Variants in DPY19L4 observed in about 807,000 individuals in gnomAD.
DPY19L4 encodes probable C-mannosyltransferase DPY19L4.
DPY19L4 carries 97 observed loss-of-function variants against 102.8 expected under a neutral mutation model. The ratio of observed to expected loss-of-function variants is 0.94; its 90% CI spans 0.80 to 1.12. The LOEUF is 1.12. Ranked by LOEUF, DPY19L4 falls within the 50% of genes most tolerant of loss-of-function variation. The pLI is 0.00. For synonymous variants in DPY19L4, 252 were observed against 283.1 expected (o/e 0.89, Z 1.10); for missense variants, 815 against 850.4 (o/e 0.96, Z 0.52).
Position 94,790,029 on chromosome 8 carries a change from C to G in DPY19L4, c.*119C>G. 4.1e-6 allele frequency: 4 copies of G among 979,342 alleles called. No individual in the cohort carries two copies. The highest frequency in any genetic ancestry group is 1.7e-5 in the African/African-American group (1 of 59,706). The allele number at this position is 979,342 out of a possible 1,614,324, so 60.7% of individuals were successfully genotyped here. On this transcript the variant is annotated 3_prime_UTR_variant, in exon 19 of 19. Transcript: ENST00000414645. Reference sequence around the variant, plus strand: ...TTTGAAATATTGCTGCTTCTTTCCCCCTTCTGCTGTTAACTGGATCCAGAG... The same window carrying G: ...TTTGAAATATTGCTGCTTCTTTCCCGCTTCTGCTGTTAACTGGATCCAGAG...
intron 2 of DPY19L4, among the ~76,000 whole-genome samples, chr8:94,730,542 T>C (rs1810900066): frequency 6.6e-6 from 1 of 151,084 alleles, no homozygotes; most frequent in Non-Finnish European, 1.5e-5. Context: ...GGTCGGGAGT[T>C]TGAGACCAGC....
intron 2 of DPY19L4, among the ~76,000 whole-genome samples, chr8:94,726,768 C>T (rs1218958979): frequency 6.6e-6 from 1 of 152,188 alleles, no homozygotes; most frequent in Admixed American, 6.5e-5. Context: ...ACCTGGCACA[C>T]TATCACTTGT....
At chr8:94,723,225 C>T (rs531891466) in intron 1 of DPY19L4, among the ~76,000 whole-genome samples, 1 of 152,308 alleles carries the variant, frequency 6.6e-6, no homozygotes, top group South Asian at 2.1e-4. Flanking sequence ...GTAATCCCAG[C>T]ACTTTGGGAG....
intron 8 of DPY19L4, among the ~76,000 whole-genome samples, chr8:94,762,284 G>A (rs1487574417): frequency 4.3e-5 from 5 of 116,212 alleles, no homozygotes; most frequent in African/African-American, 2.0e-4. Flanking sequence ...GATGAAGCTG[G>A]TTCTTGAAGT....
intron 3 of DPY19L4, among the ~76,000 whole-genome samples, chr8:94,735,271 A>G (rs867949797): frequency 2.0e-5 from 3 of 152,294 alleles, no homozygotes; most frequent in East Asian, 1.9e-4. Flanking sequence ...TGACTTTTGA[A>G]TAAGTTTGTT....
At chr8:94,782,655 T>C (rs1290400850) in intron 16 of DPY19L4, among the ~76,000 whole-genome samples, 1 of 151,858 alleles carries the variant, frequency 6.6e-6, no homozygotes, top group African/African-American at 2.4e-5. Context: ...CAAAAAGTGT[T>C]TCTAGAAATT....
At chr8:94,764,689 G>GTGTGTGTGTATATA (rs1415377058) in intron 8 of DPY19L4, among the ~76,000 whole-genome samples, 2 of 43,212 alleles carry the variant, frequency 4.6e-5, no homozygotes, top group African/African-American at 2.3e-4. Context: ...GTCTGTGTGT[G>GTGTGTGTGTATATA]TATATATATA....
intron 2 of DPY19L4, among the ~76,000 whole-genome samples, chr8:94,729,037 A>C (rs1022958968): frequency 1.3e-5 from 2 of 151,788 alleles, no homozygotes; most frequent in Non-Finnish European, 2.9e-5. Context: ...AAAAAAAAAG[A>C]AAAAGCTGTT....
chr8:94,767,031 G>A lies in DPY19L4; in HGVS notation c.1175+346G>A, dbSNP rs537393321. 2.0e-5 allele frequency among the ~76,000 whole-genome samples: 3 copies of A among 148,548 alleles called. No individual in the cohort carries two copies. In the East Asian group the frequency reaches 6.0e-4, roughly 30 times the overall value. Reference sequence around the variant, plus strand: ...GTCATAGTGAGCCAAGATCACGCCAGTGCACCCCAGCCTGGGCAACGGTGA... The same window carrying A: ...GTCATAGTGAGCCAAGATCACGCCAATGCACCCCAGCCTGGGCAACGGTGA... On this transcript the variant is annotated intron_variant, in intron 11 of 18. Transcript: ENST00000414645.
intron 6 of DPY19L4, among the ~76,000 whole-genome samples, chr8:94,741,769 G>A (rs1001193149): frequency 6.6e-6 from 1 of 152,182 alleles, no homozygotes; most frequent in South Asian, 2.1e-4. Flanking sequence ...ACACAACTTT[G>A]TTAATCTTTG....
At chr8:94,745,091 G>C (rs185613039) in intron 6 of DPY19L4, 1 of 156,168 alleles carries the variant, frequency 6.4e-6, no homozygotes, top group Admixed American at 6.2e-5. Flanking sequence ...ATGATTATTC[G>C]TGTTCTTAAT....
At chr8:94,734,373 T>A (rs1051025713) in intron 2 of DPY19L4, among the ~76,000 whole-genome samples, 5 of 152,198 alleles carry the variant, frequency 3.3e-5, no homozygotes, top group African/African-American at 7.2e-5. Context: ...CAATACCACA[T>A]GACATTTGGT....
intron 6 of DPY19L4, among the ~76,000 whole-genome samples, chr8:94,745,752 T>A (rs1811643219): frequency 6.6e-6 from 1 of 152,184 alleles, no homozygotes; most frequent in Admixed American, 6.5e-5. Flanking sequence ...TAGCATTGTT[T>A]GTAATAAATT....
At position 94,719,975 on chromosome 8, in the gene DPY19L4, G is replaced by C; in HGVS notation, c.-24G>C. ...AGTCTGGGCCGCGCGGGAGCCGCAG[G>C]GCGCCCTAGCCTTCGCAGAAACGAT... On this transcript the variant is annotated 5_prime_UTR_variant, in exon 1 of 19. Transcript: ENST00000414645. The C allele has an allele frequency of 6.6e-7, 1 of 1,513,350 alleles. No homozygotes were observed. The highest frequency in any genetic ancestry group is 8.8e-7 in the Non-Finnish European group (1 of 1,131,402). 93.7% of individuals were successfully genotyped at this position (1,513,350 alleles called of 1,614,324 possible). A position where few individuals can be genotyped will look rare whatever the true frequency, so the allele number is the denominator to read the frequency against.
At chr8:94,758,253 C>A (rs773890174) in intron 7 of DPY19L4, among the ~76,000 whole-genome samples, 15 of 152,114 alleles carry the variant, frequency 9.9e-5, no homozygotes, top group African/African-American at 2.2e-4. Flanking sequence ...CATTTTTGAC[C>A]CCTCACCCAG....
At chr8:94,723,198 C>A (rs1048507404) in intron 1 of DPY19L4, among the ~76,000 whole-genome samples, 5 of 152,258 alleles carry the variant, frequency 3.3e-5, no homozygotes, top group African/African-American at 1.2e-4. Flanking sequence ...AGTGGCCGGG[C>A]GTGGTGGCTC....
chr8:94,770,703 T>G, intron 13 of DPY19L4, 132 bp downstream of exon 13: 3 of 1,133,558 alleles, frequency 2.6e-6, no homozygotes, highest in Non-Finnish European at 3.7e-6. Context: ...TTTGAGACAG[T>G]GTGACTCTGT....
Position 94,789,839 on chromosome 8 carries a change from T to C in DPY19L4, c.2101T>C (p.Phe701Leu), listed in dbSNP as rs1425143283. 1.9e-6 allele frequency: 3 copies of C among 1,611,338 alleles called. No homozygotes were observed. Among genetic ancestry groups the C allele is most frequent in the East Asian group, 2.2e-5 (1 of 44,708 alleles). ...KINYSPYVNY[F>L]TRVYWNRSYF... Reference sequence around the variant, plus strand: ...TAACTATTCTCCATATGTGAATTATTTCACTAGAGTATACTGGAACAGATC... The same window carrying C: ...TAACTATTCTCCATATGTGAATTATCTCACTAGAGTATACTGGAACAGATC... Residue 701 changes from phenylalanine (F) to leucine (L), a missense_variant, in exon 19 of 19, where the codon TTC becomes CTC. Transcript: ENST00000414645.
chr8:94,787,798 C>CT, intron 17 of DPY19L4, 96 bp from the exon 18 acceptor site: 1 of 499,848 alleles, frequency 2.0e-6, no homozygotes, highest in Non-Finnish European at 2.9e-6. Flanking sequence ...ACAGTAGATG[C>CT]TTGATGTATA....
Sources: gnomAD v4.1 joint callset for allele counts (sites outside exome capture counted in the v4.1 genomes callset) on GRCh38, gnomAD v4.1.1 for gene constraint, MANE v1.5 for transcripts, NCBI Gene and HGNC (gene_info 2026-07-23, HGNC 2026-07-21) for gene names.